The following PYGB variants were observed in gnomAD, a reference collection of about 807,000 sequenced individuals.
The protein encoded by PYGB is glycogen phosphorylase B, also known as glycogen phosphorylase, brain form.
PYGB carries 82 observed loss-of-function variants against 94.3 expected under a neutral mutation model. The ratio of observed to expected loss-of-function variants is 0.87; its 90% CI spans 0.73 to 1.04. The LOEUF is 1.04. Among genes scored for constraint, PYGB ranks in the 50% least tolerant of loss-of-function variants. PYGB has a pLI of 0.00. For missense variants in PYGB, 1,132 were observed against 1,158.2 expected (o/e 0.98, Z 0.33); for synonymous variants, 488 against 479.1 (o/e 1.02, Z -0.24).
chr20:25,258,987 G>A, intron 1 of PYGB, among the ~76,000 whole-genome samples: 1 of 152,222 alleles, frequency 6.6e-6, no homozygotes, highest in East Asian at 1.9e-4. Flanking sequence ...TGGAAAGTTA[G>A]TGTGTGTTCA....
intron 4 of PYGB, among the ~76,000 whole-genome samples, chr20:25,272,536 C>T (rs139933322): frequency 2.9e-4 from 44 of 152,312 alleles, no homozygotes; most frequent in African/African-American, 8.4e-4. Context: ...GATTGGTGGA[C>T]GGAGAAACAA....
intron 1 of PYGB, 23 bp downstream of exon 1, chr20:25,248,444 G>T: frequency 7.2e-7 from 1 of 1,389,100 alleles, no homozygotes. Context: ...CCCGCCCTGT[G>T]CGCCCGTGCC....
At chr20:25,261,463 A>ACCAAAACC (rs931178711) in intron 2 of PYGB, among the ~76,000 whole-genome samples, 13 of 152,234 alleles carry the variant, frequency 8.5e-5, no homozygotes, top group African/African-American at 3.1e-4. Context: ...GGACATCCAC[A>ACCAAAACC]CCAAAACCCC....
At position 25,259,215 on chromosome 20, in the gene PYGB, ATTCT is replaced by A. The variant is rs771933955; in HGVS notation, c.244-16_244-13del. ...AGTGTAGAATGGAATGAGAAATCTT[ATTCT>A]TTCTTCTGCTTCCTCAGCGCATTTA... On this transcript the variant is annotated intron_variant, in intron 1 of 19. Transcript: ENST00000216962. 9.1e-6 allele frequency: 14 copies of A among 1,546,810 alleles called. No homozygotes were observed. In the African/African-American group the frequency reaches 1.1e-4, roughly 12 times the overall value.
intron 11 of PYGB, among the ~76,000 whole-genome samples, chr20:25,281,764 G>A (rs764230399): frequency 4.9e-4 from 74 of 152,226 alleles, no homozygotes; most frequent in Non-Finnish European, 5.9e-5. Context: ...CGCACGGACC[G>A]CTCTGGAGAA....
At chr20:25,263,262 C>CT (rs1462617458) in intron 2 of PYGB, among the ~76,000 whole-genome samples, 1 of 152,204 alleles carries the variant, frequency 6.6e-6, no homozygotes, top group Non-Finnish European at 1.5e-5. Flanking sequence ...TTATAACAAA[C>CT]TGTCTCTCAG....
chr20:25,292,728 C>A, intron 17 of PYGB, 115 bp downstream of exon 17: 1 of 1,293,904 alleles, frequency 7.7e-7, no homozygotes, highest in South Asian at 1.4e-5. Context: ...GTGCTAGGGT[C>A]AGTGCCCACC....
intron 16 of PYGB, 94 bp from the exon 17 acceptor site, chr20:25,292,312 C>G (rs750987210): frequency 7.7e-6 from 11 of 1,437,594 alleles, no homozygotes; most frequent in Non-Finnish European, 9.6e-6. Context: ...CGACCCAGCC[C>G]CGGGTGGATG....
intron 16 of PYGB, among the ~76,000 whole-genome samples, chr20:25,291,602 T>C (rs192982338): frequency 6.6e-6 from 1 of 152,294 alleles, no homozygotes; most frequent in Admixed American, 6.5e-5. Flanking sequence ...TGCCTCCGGC[T>C]TGGCCAGGAA....
chr20:25,251,951 A>G (rs1169384290), intron 1 of PYGB, among the ~76,000 whole-genome samples: 1 of 152,250 alleles, frequency 6.6e-6, no homozygotes, highest in Non-Finnish European at 1.5e-5. Flanking sequence ...GATGATCTAG[A>G]GAAGTGTTTT....
chr20:25,277,413 G>C lies in PYGB; in HGVS notation c.855+87G>C, dbSNP rs1050834194. 247 of 1,324,736 alleles carry C rather than the reference G, an allele frequency of 1.9e-4. 1 individual carries two copies. In the Middle Eastern group the frequency reaches 2.0e-3, roughly 11 times the overall value. The allele number at this position is 1,324,736 out of a possible 1,614,324, so 82.1% of individuals were successfully genotyped here. ...GCTGGCTGGCCGGGCTCCCCAGTGG[G>C]GCCTGCTGTTGGCCTTGGCAAGCAG... On this transcript the variant is annotated intron_variant, in intron 7 of 19. Transcript: ENST00000216962.
At chr20:25,265,765 T>C (rs1462064268) in intron 2 of PYGB, among the ~76,000 whole-genome samples, 2 of 152,038 alleles carry the variant, frequency 1.3e-5, no homozygotes, top group Non-Finnish European at 2.9e-5. Context: ...CGGCTAATTT[T>C]TTTGTATTTT....
At chr20:25,293,781 C>G (rs2088497574) in intron 17 of PYGB, 1 of 300,856 alleles carries the variant, frequency 3.3e-6, no homozygotes, top group Non-Finnish European at 6.4e-6. Context: ...CATTTCACTT[C>G]CTGCCCCTCC....
intron 9 of PYGB, among the ~76,000 whole-genome samples, chr20:25,279,730 AAAAT>A (rs568516060): frequency 1.1e-3 from 174 of 152,256 alleles, no homozygotes; most frequent in Middle Eastern, 6.8e-3. Context: ...CACACCCAGA[AAAAT>A]AAAACCAAAA....
chr20:25,277,408 A>G (rs57671803), intron 7 of PYGB, 82 bp downstream of exon 7: 12 of 1,358,374 alleles, frequency 8.8e-6, no homozygotes, highest in Non-Finnish European at 1.2e-5. Context: ...CGGGCTCCCC[A>G]GTGGGGCCTG....
At chr20:25,257,515 A>T (rs760664063) in intron 1 of PYGB, among the ~76,000 whole-genome samples, 10 of 152,218 alleles carry the variant, frequency 6.6e-5, no homozygotes, top group Non-Finnish European at 1.3e-4. Context: ...TTTTGCAGAG[A>T]GAGCAAACTA....
At chr20:25,276,875 C>A in intron 6 of PYGB, 118 bp downstream of exon 6, 1 of 888,738 alleles carries the variant, frequency 1.1e-6, no homozygotes, top group South Asian at 1.6e-5. Context: ...CGCGGCCCTC[C>A]TCTAGGGTGT....
chr20:25,283,167 G>A lies in PYGB; in HGVS notation c.1519-9G>A, dbSNP rs202167602. On this transcript the variant is annotated splice_polypyrimidine_tract_variant and intron_variant, in intron 12 of 19. Coordinates refer to ENST00000216962, the MANE Select transcript of PYGB (RefSeq NM_002862.4). ...GGCCCACAGTGAGCGGAACCTTTACGTTCTCCAGAAAATTGGGGAGGAGTT... is the reference window on the plus strand; with the variant it reads ...GGCCCACAGTGAGCGGAACCTTTACATTCTCCAGAAAATTGGGGAGGAGTT... The A allele has an allele frequency of 7.0e-5, 112 of 1,610,026 alleles. No individual in the cohort carries two copies. The highest frequency in any genetic ancestry group is 3.5e-4 in the African/African-American group (26 of 74,854).
In PYGB at chr20:25,276,735, C is replaced by T; in HGVS notation, c.750C>T (p.Pro250=). 6.2e-7 allele frequency: 1 copy of T among 1,613,928 alleles called. No homozygotes were observed. The highest frequency in any genetic ancestry group is 1.3e-5 in the African/African-American group (1 of 75,022). Reference sequence around the variant, plus strand: ...TGCGGCTGTGGTCCGCCAAGGCTCCCAACGACTTCAAGCTGCAGGACTGTA... The same window carrying T: ...TGCGGCTGTGGTCCGCCAAGGCTCCTAACGACTTCAAGCTGCAGGACTGTA... ...NTMRLWSAKA[P]NDFKLQDFNV... is the part of the protein sequence containing the mutation. The change falls in exon 6 of 20, where the codon CCC becomes CCT. Residue 250 remains proline, a synonymous_variant. Transcript: ENST00000216962.
Sources: allele counts gnomAD v4.1 joint callset (sites outside exome capture counted in the v4.1 genomes callset), GRCh38; gene constraint gnomAD v4.1.1; transcripts MANE v1.5; gene names NCBI Gene and HGNC (gene_info 2026-07-23, HGNC 2026-07-21).